The following SBNO2 variants were observed in gnomAD, a reference collection of about 807,000 sequenced individuals.
SBNO2 encodes the protein strawberry notch homolog 2, also known as protein strawberry notch homolog 2.
Under a neutral mutation model 146.3 loss-of-function variants are expected in SBNO2, and 89 were observed. The observed-to-expected ratio is 0.61, with a 90% CI of 0.51 to 0.73. The LOEUF is 0.73. SBNO2 is among the 30% of genes least tolerant of loss of function. The probability of loss-of-function intolerance (pLI) is 0.00; values close to 1 mark genes in which losing one functional copy is unlikely to be tolerated. For missense variants in SBNO2, 2,092 were observed against 2,003.7 expected, an observed-to-expected ratio of 1.04 and a Z score of -0.84; for synonymous variants, 1,147 against 892.6, an observed-to-expected ratio of 1.29 and a Z score of -5.08.
At chr19:1,135,024 C>T (rs144967400) in intron 4 of SBNO2, among the ~76,000 whole-genome samples, 227 of 119,562 alleles carry the variant, frequency 1.9e-3, no homozygotes, top group African/African-American at 7.5e-3. Flanking sequence ...CTAGCCTGGG[C>T]AACAGAGCAA....
In SBNO2 at chr19:1,150,435, G is replaced by A. The variant is rs908532541; in HGVS notation, c.94-993C>T. On this transcript the variant is annotated intron_variant, in intron 2 of 31. Transcript: ENST00000361757. The surrounding 1 kb of genome is among the most constrained non-coding windows in gnomAD (Gnocchi z 6.2). ...TCACCTGCAGCAGAGAGACCCTGCCGTCACAGACGCCCCCACAGTCACGGG... is the reference window on the plus strand; with the variant it reads ...TCACCTGCAGCAGAGAGACCCTGCCATCACAGACGCCCCCACAGTCACGGG... Among the ~76,000 whole-genome samples, 7 of 151,754 alleles carry A rather than the reference G, an allele frequency of 4.6e-5. No homozygotes were observed. The highest frequency in any genetic ancestry group is 3.9e-4 in the East Asian group (2 of 5,156).
At chr19:1,169,949 C>A (rs1253253783) in intron 1 of SBNO2, among the ~76,000 whole-genome samples, 3 of 152,198 alleles carry the variant, frequency 2.0e-5, no homozygotes, top group Admixed American at 1.3e-4. Context: ...ACAGCCCCTG[C>A]AACCACACGC....
In SBNO2 at chr19:1,167,652, G is replaced by A. The variant is rs531401751; in HGVS notation, c.-127+6520C>T. On this transcript the variant is annotated intron_variant, in intron 1 of 31. Transcript: ENST00000361757. ...GACATTTGTGACGATGCCGGGACCC[G>A]AGGAATCCAGGACGACCCCTCTGCA... Among the ~76,000 whole-genome samples, 21 of 152,306 alleles carry A rather than the reference G, an allele frequency of 1.4e-4. 2 individuals carry two copies. The South Asian group carries it at 1.7e-3, about 12-fold the overall frequency.
rs1359478086 is a variant in SBNO2 at position 1,110,539 on chromosome 19, G to C, written c.3028+206C>G. Among the ~76,000 whole-genome samples, 10 of 138,066 alleles carry C rather than the reference G, an allele frequency of 7.2e-5. No homozygotes were observed. Among genetic ancestry groups the C allele is most frequent in the Admixed American group, 7.1e-4 (10 of 14,084 alleles). The allele number at this position is 138,066 out of a possible 152,430, so 90.6% of individuals were successfully genotyped here. A position where few individuals can be genotyped will look rare whatever the true frequency, so the allele number is the denominator to read the frequency against. The stretch of plus-strand genomic sequence containing the variant: ...GCCGTGCTCACCCACAATGCACGGT[G>C]TTCCCACGAGCCCCGAGCCCACCTG... On this transcript the variant is annotated intron_variant, in intron 26 of 31. Transcript: ENST00000361757. This position sits in a 1 kb window ranked among gnomAD's most constrained non-coding sequence, Gnocchi z 4.9.
intron 1 of SBNO2, among the ~76,000 whole-genome samples, chr19:1,169,577 G>A (rs1434683196): frequency 2.0e-5 from 3 of 152,326 alleles, no homozygotes; most frequent in South Asian, 2.1e-4. Flanking sequence ...GGGCCTGGGC[G>A]AGGGGCCCCC....
rs757841560 is a variant in SBNO2, at chr19:1,147,384, C to T, written c.204G>A (p.Gln68=). ...FMSSASFLGS[Q]PCPDTSYAPV... ...GGGCATAGCTGGTGTCTGGGCAGGGCTGGCTGCCGAGGAAGGAGGCGGAGC... is the reference window on the plus strand; with the variant it reads ...GGGCATAGCTGGTGTCTGGGCAGGGTTGGCTGCCGAGGAAGGAGGCGGAGC... Residue 68 remains glutamine, a synonymous_variant, in exon 4 of 32, where the codon CAG becomes CAA. Coordinates refer to ENST00000361757, the MANE Select transcript of SBNO2 (RefSeq NM_014963.3). The T allele has an allele frequency of 6.8e-6, 10 of 1,468,218 alleles. No individual in the cohort carries two copies. In the East Asian group the frequency reaches 2.5e-4, roughly 37 times the overall value. 90.9% of individuals were successfully genotyped at this position (1,468,218 alleles called of 1,614,324 possible). A position where few individuals can be genotyped will look rare whatever the true frequency, so the allele number is the denominator to read the frequency against.
Position 1,158,269 on chromosome 19 carries a change from T to C in SBNO2, c.-126-3867A>G, listed in dbSNP as rs535904521. ...GCTCCGCCCTCAGACCCGAGCCGTC[T>C]GCAGATGGGGAGCTGTGTCCTCGGA... On this transcript the variant is annotated intron_variant, in intron 1 of 31. Coordinates refer to ENST00000361757, the MANE Select transcript of SBNO2 (RefSeq NM_014963.3). The surrounding 1 kb of genome is among the most constrained non-coding windows in gnomAD (Gnocchi z 9.9). Among the ~76,000 whole-genome samples, 1 of 152,020 alleles carries C rather than the reference T, an allele frequency of 6.6e-6. No individual in the cohort carries two copies. Among genetic ancestry groups the C allele is most frequent in the East Asian group, 1.9e-4 (1 of 5,164 alleles).
rs944363655 is a variant in SBNO2 at position 1,109,173 on chromosome 19, G to A, written c.3387C>T (p.Gly1129=). The change falls in exon 30 of 32, where the codon GGC becomes GGT. Residue 1129 remains glycine, a synonymous_variant. Transcript: ENST00000361757. This position sits in a 1 kb window ranked among gnomAD's most constrained non-coding sequence, Gnocchi z 4.2. ...TGCAGTGCGTCAGCGACAAAGCGTA[G>A]CCACTCTCCCAGGGCTCCTTGGCCT... The part of the protein sequence containing the change: ...AEEAKEPWES[G]YALSLTHCSH... 6.4e-7 allele frequency: 1 copy of A among 1,560,142 alleles called. No homozygotes were observed. The highest frequency in any genetic ancestry group is 8.7e-7 in the Non-Finnish European group (1 of 1,153,052).
chr19:1,173,274 G>A lies in SBNO2; in HGVS notation c.-127+898C>T, dbSNP rs2080499127. On this transcript the variant is annotated intron_variant, in intron 1 of 31. Transcript: ENST00000361757. The surrounding 1 kb of genome is among the most constrained non-coding windows in gnomAD (Gnocchi z 4.7). ...CCTTCACCGACACACGCTGCTCCCG[G>A]GCCCCACTCGGGCCATCTCAGCCCG... Among the ~76,000 whole-genome samples the A allele has an allele frequency of 6.6e-6, 1 of 152,026 alleles. No homozygotes were observed. Among genetic ancestry groups the A allele is most frequent in the Admixed American group, 6.5e-5 (1 of 15,276 alleles).
At chr19:1,128,188 G>A (rs754928979) in intron 4 of SBNO2, 5 of 491,038 alleles carry the variant, frequency 1.0e-5, no homozygotes, top group South Asian at 7.5e-5. Context: ...CAACCCTCAG[G>A]GCCACGCAGG....
Position 1,110,216 on chromosome 19 carries a change from A to G in SBNO2, c.3029-439T>C, listed in dbSNP as rs2079739355. Among the ~76,000 whole-genome samples the G allele has an allele frequency of 6.6e-6, 1 of 152,100 alleles. No individual in the cohort carries two copies. The highest frequency in any genetic ancestry group is 1.5e-5 in the Non-Finnish European group (1 of 67,984). On this transcript the variant is annotated intron_variant, in intron 26 of 31. Transcript: ENST00000361757. The surrounding 1 kb of genome is among the most constrained non-coding windows in gnomAD (Gnocchi z 4.9). Reference sequence around the variant, plus strand: ...CTGCGGCACTGCTCATGAGTGAAGTAGCCATGGCCCGGACCCGACCCTCAT... The same window carrying G: ...CTGCGGCACTGCTCATGAGTGAAGTGGCCATGGCCCGGACCCGACCCTCAT...
intron 1 of SBNO2, among the ~76,000 whole-genome samples, chr19:1,162,446 C>T (rs1255684478): frequency 2.8e-5 from 4 of 145,212 alleles, no homozygotes; most frequent in Non-Finnish European, 4.6e-5. Flanking sequence ...GGTGAAAGAG[C>T]GAGACTCCGT....
chr19:1,134,147 ACGGG>A (rs2080063095), intron 4 of SBNO2, among the ~76,000 whole-genome samples: 1 of 122,290 alleles, frequency 8.2e-6, no homozygotes, highest in Non-Finnish European at 1.7e-5. Flanking sequence ...CCCACAGCTC[ACGGG>A]TGGACTCACA....
Position 1,112,420 on chromosome 19 carries a change from G to C in SBNO2, c.2497C>G (p.Arg833Gly). 1 of 1,604,760 alleles carries C rather than the reference G, an allele frequency of 6.2e-7. No homozygotes were observed. The highest frequency in any genetic ancestry group is 8.5e-7 in the Non-Finnish European group (1 of 1,177,970). The change falls in exon 21 of 32, where the codon CGC (arginine) becomes GGC (glycine). Residue 833 changes from arginine to glycine, a missense_variant. Transcript: ENST00000361757. The surrounding 1 kb of genome is among the most constrained non-coding windows in gnomAD (Gnocchi z 5.9). ...MTLELPWSAD[R>G]AIQQFGRTHR... ...GACTCACCGAACTGCTGGATGGCGC[G>C]GTCGGCGCTCCACGGCAGCTCCAAG... is the stretch of plus-strand genomic sequence containing the variant.
At chr19:1,163,687 G>T (rs1485455602) in intron 1 of SBNO2, among the ~76,000 whole-genome samples, 5 of 152,350 alleles carry the variant, frequency 3.3e-5, no homozygotes, top group Non-Finnish European at 7.4e-5. Context: ...CCACGCGCAG[G>T]CACAGGCCAG....
At chr19:1,170,872 CA>C (rs199921047) in intron 1 of SBNO2, among the ~76,000 whole-genome samples, 2,938 of 152,150 alleles carry the variant, frequency 0.019, 97 homozygotes, top group African/African-American at 0.067. Context: ...CACAAACACA[CA>C]CAAAATACAT....
At chr19:1,125,979 G>A (rs1000176275) in intron 5 of SBNO2, among the ~76,000 whole-genome samples, 6 of 152,212 alleles carry the variant, frequency 3.9e-5, no homozygotes, top group Non-Finnish European at 7.3e-5. Flanking sequence ...GGGCGACAGA[G>A]TGAGATCCCG....
intron 23 of SBNO2, 85 bp from the exon 24 acceptor site, chr19:1,111,699 C>T: frequency 1.0e-6 from 1 of 974,658 alleles, no homozygotes; most frequent in Non-Finnish European, 1.6e-6. Flanking sequence ...ACCCCACCCT[C>T]CCCTAGGCCC....
chr19:1,128,801 C>A (rs530833362), intron 4 of SBNO2, among the ~76,000 whole-genome samples: 3 of 151,864 alleles, frequency 2.0e-5, no homozygotes, highest in East Asian at 3.9e-4. Flanking sequence ...AACCCCATTT[C>A]TACTAAAAAT....
Sources: allele counts gnomAD v4.1 joint callset (sites outside exome capture counted in the v4.1 genomes callset), GRCh38; gene constraint gnomAD v4.1.1; non-coding constraint Gnocchi (gnomAD v3.1); transcripts MANE v1.5; gene names NCBI Gene and HGNC (gene_info 2026-07-23, HGNC 2026-07-21).